Variants in LUZP2 observed in about 807,000 individuals in gnomAD.
LUZP2 encodes leucine zipper protein 2.
Under a neutral mutation model 51.6 loss-of-function variants are expected in LUZP2, and 52 were observed. That is an observed-to-expected ratio of 1.01 (90% CI 0.81 to 1.27). The LOEUF is 1.27. Among genes scored for constraint, LUZP2 ranks in the 50% most tolerant of loss-of-function variants. The probability of loss-of-function intolerance (pLI) is 0.00; values close to 1 mark genes in which losing one functional copy is unlikely to be tolerated. For missense variants in LUZP2, 436 were observed against 395.4 expected, an observed-to-expected ratio of 1.10 and a Z score of -0.87; for synonymous variants, 154 against 137.3, an observed-to-expected ratio of 1.12 and a Z score of -0.85.
intron 1 of LUZP2, among the ~76,000 whole-genome samples, chr11:24,537,292 CT>C (rs1320045347): frequency 6.6e-6 from 1 of 151,790 alleles, no homozygotes; most frequent in Non-Finnish European, 1.5e-5. Context: ...AAATGCAACA[CT>C]TGTAAAGTGC....
chr11:24,682,945 A>G (rs1056306584), intron 1 of LUZP2, among the ~76,000 whole-genome samples: 17 of 152,150 alleles, frequency 1.1e-4, no homozygotes, highest in Admixed American at 6.5e-5. Context: ...CAGAGGTTGC[A>G]GTGAGCCGAG....
intron 9 of LUZP2, among the ~76,000 whole-genome samples, chr11:24,992,187 G>A (rs1424602062): frequency 6.6e-6 from 1 of 152,064 alleles, no homozygotes; most frequent in Non-Finnish European, 1.5e-5. Flanking sequence ...ACATTGGCAA[G>A]TTTCCATTGC....
In LUZP2 at chr11:25,000,519, C is replaced by T. The variant is rs113953047; in HGVS notation, c.765+17226C>T. ...TTATAAGACCACCTGTAGCTTGATG[C>T]CCTCAATTCTGGAGGAAACAAATTT... On this transcript the variant is annotated intron_variant, in intron 9 of 11. Coordinates refer to ENST00000336930, the MANE Select transcript of LUZP2 (RefSeq NM_001009909.4). Among the ~76,000 whole-genome samples, 18 of 152,100 alleles carry T rather than the reference C, an allele frequency of 1.2e-4. 1 individual carries two copies. The highest frequency in any genetic ancestry group is 4.3e-4 in the African/African-American group (18 of 41,414).
chr11:24,884,937 C>T (rs1480045693), intron 5 of LUZP2, among the ~76,000 whole-genome samples: 1 of 151,982 alleles, frequency 6.6e-6, no homozygotes, highest in African/African-American at 2.4e-5. Flanking sequence ...AGGGTGATTG[C>T]TATTCTGTAT....
At chr11:24,881,968 G>T (rs186309294) in intron 5 of LUZP2, among the ~76,000 whole-genome samples, 1 of 151,738 alleles carries the variant, frequency 6.6e-6, no homozygotes, top group South Asian at 2.1e-4. Flanking sequence ...GATTTTATTT[G>T]TTATCTGTTA....
intron 5 of LUZP2, among the ~76,000 whole-genome samples, chr11:24,797,564 A>C (rs2134108280): frequency 6.6e-6 from 1 of 152,304 alleles, no homozygotes; most frequent in South Asian, 2.1e-4. Context: ...CCAGATTCAA[A>C]CCACAGAAAA....
At chr11:24,539,339 G>A (rs1015187916) in intron 1 of LUZP2, among the ~76,000 whole-genome samples, 6 of 151,756 alleles carry the variant, frequency 4.0e-5, no homozygotes, top group African/African-American at 1.5e-4. Flanking sequence ...ATATATGTGT[G>A]CTATCTGTTA....
rs940683946 is a variant in LUZP2 at position 24,539,827 on chromosome 11, C to G, written c.62+42522C>G. Among the ~76,000 whole-genome samples the G allele has an allele frequency of 2.0e-5, 3 of 152,006 alleles. No homozygotes were observed. In the South Asian group the frequency reaches 6.2e-4, roughly 31 times the overall value. On this transcript the variant is annotated intron_variant, in intron 1 of 11. Transcript: ENST00000336930. Reference sequence around the variant, plus strand: ...TAGAAACTAGCTTCTGAAAATTGCTCAATTCAGGTTCATTCATATAAATAT... The same window carrying G: ...TAGAAACTAGCTTCTGAAAATTGCTGAATTCAGGTTCATTCATATAAATAT...
chr11:25,069,304 G>A (rs1859086881), intron 10 of LUZP2, among the ~76,000 whole-genome samples: 1 of 151,964 alleles, frequency 6.6e-6, no homozygotes, highest in African/African-American at 2.4e-5. Context: ...AGGATGTTAT[G>A]CAGATCTGTT....
intron 9 of LUZP2, among the ~76,000 whole-genome samples, chr11:25,023,601 T>A (rs1857403525): frequency 3.4e-5 from 1 of 29,192 alleles, no homozygotes. Context: ...ATTCATTGAT[T>A]TTTTTGAAGG....
At chr11:24,557,864 C>T (rs1851916773) in intron 1 of LUZP2, among the ~76,000 whole-genome samples, 2 of 152,030 alleles carry the variant, frequency 1.3e-5, no homozygotes, top group South Asian at 2.1e-4. Flanking sequence ...CTTGATTCTT[C>T]AGTATGTGCT....
chr11:24,648,107 C>T (rs1375169152), intron 1 of LUZP2, among the ~76,000 whole-genome samples: 3 of 151,884 alleles, frequency 2.0e-5, no homozygotes, highest in African/African-American at 7.2e-5. Flanking sequence ...ATGTTCAACA[C>T]TGATGCAAAA....
At chr11:24,937,974 G>T (rs1854638746) in intron 7 of LUZP2, among the ~76,000 whole-genome samples, 1 of 151,326 alleles carries the variant, frequency 6.6e-6, no homozygotes, top group African/African-American at 2.4e-5. Context: ...ACTTTCCATC[G>T]TCTGGCATAT....
chr11:24,798,704 A>T (rs1404463866), intron 5 of LUZP2, among the ~76,000 whole-genome samples: 1 of 152,046 alleles, frequency 6.6e-6, no homozygotes, highest in East Asian at 1.9e-4. Context: ...TTGCATGCTC[A>T]ACTTCCTGCT....
intron 7 of LUZP2, among the ~76,000 whole-genome samples, chr11:24,917,560 C>A (rs1264150341): frequency 6.6e-6 from 1 of 152,080 alleles, no homozygotes; most frequent in Admixed American, 6.6e-5. Context: ...TATGGCTAGC[C>A]AGTTTTCCCA....
chr11:24,681,429 A>C (rs1001970938), intron 1 of LUZP2, among the ~76,000 whole-genome samples: 3 of 152,136 alleles, frequency 2.0e-5, no homozygotes, highest in Non-Finnish European at 4.4e-5. Context: ...CTTTCTTTTG[A>C]GCTTTTCAAA....
chr11:25,000,793 G>C (rs549891273), intron 9 of LUZP2, among the ~76,000 whole-genome samples: 13 of 152,318 alleles, frequency 8.5e-5, no homozygotes, highest in Non-Finnish European at 1.9e-4. Flanking sequence ...TCAGCAGTGA[G>C]GAGGTCTAGG....
intron 9 of LUZP2, among the ~76,000 whole-genome samples, chr11:25,024,766 G>T (rs1857435725): frequency 6.7e-6 from 1 of 150,258 alleles, no homozygotes; most frequent in African/African-American, 2.5e-5. Flanking sequence ...AGCTACCAAT[G>T]ACTTTCTTCA....
intron 5 of LUZP2, among the ~76,000 whole-genome samples, chr11:24,831,650 A>G (rs147649086): frequency 9.2e-5 from 14 of 152,316 alleles, no homozygotes; most frequent in African/African-American, 2.4e-4. Flanking sequence ...CTTGATTGCT[A>G]TGAACGTTGT....
Sources: allele counts gnomAD v4.1 joint callset (sites outside exome capture counted in the v4.1 genomes callset), GRCh38; gene constraint gnomAD v4.1.1; transcripts MANE v1.5; gene names NCBI Gene and HGNC (gene_info 2026-07-23, HGNC 2026-07-21).